Variants in MYH7B observed in about 807,000 individuals in gnomAD.
The protein encoded by MYH7B is myosin heavy chain 7B, also known as myosin-7B.
Under a neutral mutation model 234.5 loss-of-function variants are expected in MYH7B, and 205 were observed. That is an observed-to-expected ratio of 0.87 (90% CI 0.78 to 0.98). The LOEUF is 0.98. MYH7B is among the 50% of genes least tolerant of loss of function. The pLI is 0.00. For missense variants in MYH7B, 2,652 were observed against 2,633.4 expected (o/e 1.01, Z -0.15); for synonymous variants, 1,193 against 1,105.0 (o/e 1.08, Z -1.58).
exon 33 of MYH7B, chr20:34,998,336 A>G: frequency 6.2e-7 from 1 of 1,613,988 alleles, no homozygotes; most frequent in South Asian, 1.1e-5. Context: ...AGGATCAGCT[A>G]AGCGAGGCCA....
chr20:34,993,146 T>C lies in MYH7B; in HGVS notation c.2228T>C (p.Met743Thr), dbSNP rs749490228. The C allele has an allele frequency of 3.7e-6, 6 of 1,613,934 alleles. No homozygotes were observed. Among genetic ancestry groups the C allele is most frequent in the Non-Finnish European group, 4.2e-6 (5 of 1,180,000 alleles). ...AGTGCCATCCCGGATGACACCTTCA[T>C]GGACAGCAGGAAGGCCACAGAGAAA... Residue 743 changes from methionine to threonine, a missense_variant, in exon 25 of 45, where the codon ATG becomes ACG. By Grantham distance (81) the Met-to-Thr change is moderately conservative. Transcript: ENST00000262873.
chr20:34,968,910 G>T (rs548190613), intron 2 of MYH7B, among the ~76,000 whole-genome samples: 1 of 152,342 alleles, frequency 6.6e-6, no homozygotes, highest in East Asian at 1.9e-4. Context: ...GCTTCTTGGG[G>T]TTGAGTGGTT....
intron 2 of MYH7B, among the ~76,000 whole-genome samples, chr20:34,973,372 C>T (rs921607172): frequency 6.6e-6 from 1 of 152,248 alleles, no homozygotes; most frequent in Non-Finnish European, 1.5e-5. Flanking sequence ...ATGTGTCCCT[C>T]CCAGCTGTAG....
intron 43 of MYH7B, 146 bp from the exon 44 acceptor site, chr20:35,001,802 C>T (rs527243022): frequency 5.2e-5 from 68 of 1,304,188 alleles, no homozygotes; most frequent in Admixed American, 1.8e-4. Flanking sequence ...TCCTTATTCC[C>T]GCTGTGGTAT....
chr20:35,002,325 C>T (rs1310598230), exon 45 of MYH7B: 3 of 950,292 alleles, frequency 3.2e-6, no homozygotes, highest in Admixed American at 2.9e-5. Flanking sequence ...AACACCACAG[C>T]CAGTTTCCTT....
At chr20:34,959,952 G>A (rs1049322266) in intron 2 of MYH7B, among the ~76,000 whole-genome samples, 4 of 152,178 alleles carry the variant, frequency 2.6e-5, no homozygotes, top group African/African-American at 9.7e-5. Context: ...GGAAAGGAAG[G>A]CTTGAAGAGG....
chr20:34,970,214 C>T (rs1238568863), intron 2 of MYH7B, among the ~76,000 whole-genome samples: 4 of 152,332 alleles, frequency 2.6e-5, no homozygotes, highest in South Asian at 4.1e-4. Flanking sequence ...ACACTTACCA[C>T]GTACCAGGCT....
chr20:34,991,819 C>T (rs377725968), intron 24 of MYH7B, among the ~76,000 whole-genome samples: 3 of 152,332 alleles, frequency 2.0e-5, no homozygotes, highest in East Asian at 1.9e-4. Context: ...ATACCATACA[C>T]GCACACACAC....
At chr20:35,001,975 A>C (rs1340107726) in exon 44 of MYH7B, 1 of 1,613,814 alleles carries the variant, frequency 6.2e-7, no homozygotes, top group South Asian at 1.1e-5. Context: ...CAACCTGGCC[A>C]AGTATCGCAA....
chr20:34,961,165 C>T (rs1480350703), intron 2 of MYH7B, among the ~76,000 whole-genome samples: 2 of 152,074 alleles, frequency 1.3e-5, no homozygotes, highest in African/African-American at 4.8e-5. Context: ...ACTTATAGAC[C>T]CTCTTCTCCA....
At chr20:34,990,269 A>G (rs2082117994) in exon 22 of MYH7B, 2 of 1,613,978 alleles carry the variant, frequency 1.2e-6, no homozygotes, top group Admixed American at 3.3e-5. Context: ...AGAGAAGCGT[A>G]AGAAGGCAGC....
At chr20:34,978,541 T>C (rs1407646404) in intron 5 of MYH7B, among the ~76,000 whole-genome samples, 1 of 152,154 alleles carries the variant, frequency 6.6e-6, no homozygotes, top group Admixed American at 6.5e-5. Flanking sequence ...GGTTTGCTCA[T>C]AGGACAATAC....
exon 44 of MYH7B, chr20:35,002,043 C>T: frequency 6.2e-7 from 1 of 1,612,220 alleles, no homozygotes; most frequent in Non-Finnish European, 8.5e-7. Context: ...AAACCCAGGC[C>T]AACAAGCTGC....
intron 30 of MYH7B, 72 bp from the exon 31 acceptor site, chr20:34,997,011 G>A (rs895783373): frequency 1.5e-6 from 2 of 1,339,538 alleles, no homozygotes; most frequent in African/African-American, 3.3e-5. Context: ...GGGGACTGGG[G>A]GGCGTTATGG....
chr20:34,993,578 C>A, intron 26 of MYH7B, 108 bp downstream of exon 26: 1 of 1,286,494 alleles, frequency 7.8e-7, no homozygotes, highest in Middle Eastern at 2.8e-4. Context: ...AGATCAGCCC[C>A]TGTGGCTGGT....
chr20:34,976,359 G>A (rs925208569), intron 3 of MYH7B, among the ~76,000 whole-genome samples: 64 of 152,324 alleles, frequency 4.2e-4, no homozygotes, highest in African/African-American at 1.5e-3. Context: ...TGTGAGCCTG[G>A]TCTGGCCTCT....
Position 34,986,771 on chromosome 20 carries a change from G to C in MYH7B, c.905-115G>C, listed in dbSNP as rs1478423990. The stretch of plus-strand genomic sequence containing the variant: ...GACTGGGAGATGAGGTCCTCTGGGA[G>C]GGCCCTAGACTCCTGCTGGGCTTGC... On this transcript the variant is annotated intron_variant, in intron 14 of 44. Coordinates refer to ENST00000262873, the Ensembl canonical transcript of MYH7B. The C allele has an allele frequency of 9.1e-6, 7 of 769,790 alleles. No individual in the cohort carries two copies. In the East Asian group the frequency reaches 1.7e-4, roughly 19 times the overall value. The allele number at this position is 769,790 out of a possible 1,614,324, so 47.7% of individuals were successfully genotyped here. A position where few individuals can be genotyped will look rare whatever the true frequency, so the allele number is the denominator to read the frequency against.
intron 38 of MYH7B, among the ~76,000 whole-genome samples, 184 bp from the exon 39 acceptor site, chr20:35,000,109 G>A (rs2082341537): frequency 6.6e-6 from 1 of 152,192 alleles, no homozygotes; most frequent in Non-Finnish European, 1.5e-5. Flanking sequence ...ACCTCTGTCT[G>A]CCTGGGCCTC....
At chr20:34,961,169 T>C (rs2081694088) in intron 2 of MYH7B, among the ~76,000 whole-genome samples, 1 of 152,220 alleles carries the variant, frequency 6.6e-6, no homozygotes, top group Admixed American at 6.5e-5. Flanking sequence ...ATAGACCCTC[T>C]TCTCCACTTG....
Sources: gnomAD v4.1 joint callset for allele counts (sites outside exome capture counted in the v4.1 genomes callset) on GRCh38, gnomAD v4.1.1 for gene constraint, MANE v1.5 for transcripts, NCBI Gene and HGNC (gene_info 2026-07-23, HGNC 2026-07-21) for gene names.